The following MAP2K5 variants were observed in gnomAD, a reference collection of about 807,000 sequenced individuals.
MAP2K5 encodes the protein mitogen-activated protein kinase kinase 5.
MAP2K5 carries 49 observed loss-of-function variants against 83.1 expected under a neutral mutation model. The observed-to-expected ratio is 0.59, with a 90% CI of 0.47 to 0.75. MAP2K5 has a LOEUF of 0.75. Ranked by LOEUF, MAP2K5 falls within the 30% of genes least tolerant of loss-of-function variation. The pLI is 0.00. For missense variants in MAP2K5, 457 were observed against 557.5 expected (o/e 0.82, Z 1.82); for synonymous variants, 202 against 191.8 (o/e 1.05, Z -0.44).
chr15:67,640,712 A>G lies in MAP2K5; in HGVS notation c.586-5519A>G, dbSNP rs1357957139. The G allele has an allele frequency of 3.1e-6, 1 of 325,494 alleles. No homozygotes were observed. The highest frequency in any genetic ancestry group is 4.4e-6 in the Non-Finnish European group (1 of 226,784). 20.2% of individuals were successfully genotyped at this position (325,494 alleles called of 1,614,324 possible). On this transcript the variant is annotated intron_variant, in intron 9 of 21. Transcript: ENST00000178640. This position sits in a 1 kb window ranked among gnomAD's most constrained non-coding sequence, Gnocchi z 4.6. ...GCTTTTCCTACTCAAAATGTTTCTC[A>G]TGTTATGCTTCTAAATGTTCTTATT...
chr15:67,602,224 G>A (rs1209086932), intron 8 of MAP2K5, among the ~76,000 whole-genome samples: 1 of 152,148 alleles, frequency 6.6e-6, no homozygotes, highest in Non-Finnish European at 1.5e-5. Flanking sequence ...TTTTTCCTGT[G>A]TTCTGAAGGT....
chr15:67,772,385 C>A (rs1400690169), intron 20 of MAP2K5, among the ~76,000 whole-genome samples: 1 of 152,058 alleles, frequency 6.6e-6, no homozygotes. Flanking sequence ...GAGAATATTG[C>A]TGCTTTTTTC....
intron 17 of MAP2K5, among the ~76,000 whole-genome samples, chr15:67,741,106 A>G (rs2089482380): frequency 6.6e-6 from 1 of 151,986 alleles, no homozygotes; most frequent in Non-Finnish European, 1.5e-5. Context: ...GGTCCAAAAC[A>G]TAGTGATCTA....
chr15:67,701,651 A>G (rs760601306), intron 15 of MAP2K5, among the ~76,000 whole-genome samples: 1 of 152,182 alleles, frequency 6.6e-6, no homozygotes, highest in Non-Finnish European at 1.5e-5. Flanking sequence ...ATATTTAGTG[A>G]CTGGAGCTAA....
Position 67,549,972 on chromosome 15 carries a change from T to A in MAP2K5, c.136-62T>A, listed in dbSNP as rs528315379. The stretch of plus-strand genomic sequence containing the variant: ...CAGGTTCTCATATTTCCTGTAGGAT[T>A]TGCCACATGTTAGCAATAAAGAAGA... On this transcript the variant is annotated intron_variant, in intron 1 of 21. Transcript: ENST00000178640. 10 of 1,210,048 alleles carry A rather than the reference T, an allele frequency of 8.3e-6. No individual in the cohort carries two copies. In the African/African-American group the frequency reaches 1.5e-4, roughly 18 times the overall value. 75.0% of individuals were successfully genotyped at this position (1,210,048 alleles called of 1,614,324 possible). A position where few individuals can be genotyped will look rare whatever the true frequency, so the allele number is the denominator to read the frequency against.
rs186695267 is a variant in MAP2K5, at chr15:67,782,462, G to A, written c.1242+9710G>A. Among the ~76,000 whole-genome samples the A allele has an allele frequency of 6.6e-6, 1 of 152,304 alleles. No homozygotes were observed. The highest frequency in any genetic ancestry group is 2.4e-5 in the African/African-American group (1 of 41,566). On this transcript the variant is annotated intron_variant, in intron 21 of 21. Transcript: ENST00000178640. The surrounding 1 kb of genome is among the most constrained non-coding windows in gnomAD (Gnocchi z 4.9). ...ACTTTCAAACCCCTGTGATATACTG[G>A]AAGGCTAAATATTTCATACAGCCTG...
intron 16 of MAP2K5, among the ~76,000 whole-genome samples, chr15:67,712,685 G>A (rs143770471): frequency 0.017 from 2,617 of 152,226 alleles, 88 homozygotes; most frequent in African/African-American, 0.06. Context: ...TTAGGAGGCC[G>A]AGGCAGGCGG....
rs117844001 is a variant in MAP2K5 at position 67,657,295 on chromosome 15, G to A, written c.737-1258G>A. ...AGTTGTTACTGGTACATGTGGATGG[G>A]TTTTCACCTCCTAGTTTTGAGTCAT... On this transcript the variant is annotated intron_variant, in intron 11 of 21. Coordinates refer to ENST00000178640, the MANE Select transcript of MAP2K5 (RefSeq NM_145160.3). 7.1e-3 allele frequency among the ~76,000 whole-genome samples: 1,085 copies of A among 152,194 alleles called. 16 individuals are homozygous for A. Among genetic ancestry groups the A allele is most frequent in the Non-Finnish European group, 7.1e-3 (484 of 67,994 alleles).
intron 10 of MAP2K5, 40 bp from the exon 11 acceptor site, chr15:67,646,348 T>C (rs2086830513): frequency 1.4e-6 from 2 of 1,424,028 alleles, no homozygotes; most frequent in Non-Finnish European, 2.0e-6. Context: ...TGGTATTGAC[T>C]TGCAGGTTTA....
At chr15:67,551,021 C>T (rs1049462877) in intron 2 of MAP2K5, among the ~76,000 whole-genome samples, 1 of 152,180 alleles carries the variant, frequency 6.6e-6, no homozygotes, top group Non-Finnish European at 1.5e-5. Flanking sequence ...ATCCACCCAC[C>T]TCAGCCTCCC....
In MAP2K5 at chr15:67,772,584, G is replaced by T. The variant is rs75691645; in HGVS notation, c.1197-123G>T. On this transcript the variant is annotated intron_variant, in intron 20 of 21. Coordinates refer to ENST00000178640, the MANE Select transcript of MAP2K5 (RefSeq NM_145160.3). ...GAATATATGCTAATACTTTGGCCAA[G>T]AATTGAACATGATGTATTTTGAAAA... 4,529 of 567,442 alleles carry T rather than the reference G, an allele frequency of 8.0e-3. 179 individuals carry two copies. Among genetic ancestry groups the T allele is most frequent in the African/African-American group, 0.077 (3,990 of 51,938 alleles). 35.2% of individuals were successfully genotyped at this position (567,442 alleles called of 1,614,324 possible). A position where few individuals can be genotyped will look rare whatever the true frequency, so the allele number is the denominator to read the frequency against.
intron 8 of MAP2K5, among the ~76,000 whole-genome samples, chr15:67,616,942 T>C (rs2086068921): frequency 6.6e-6 from 1 of 152,178 alleles, no homozygotes; most frequent in African/African-American, 2.4e-5. Flanking sequence ...TTGAAGTACG[T>C]TATGTGAGAA....
chr15:67,756,080 TAGAGCTGTGG>T (rs1174004870), intron 19 of MAP2K5, among the ~76,000 whole-genome samples: 1 of 152,244 alleles, frequency 6.6e-6, no homozygotes, highest in Non-Finnish European at 1.5e-5. Context: ...GCCCTTTTCC[TAGAGCTGTGG>T]CTTGCCACAG....
At chr15:67,570,416 G>T (rs2084927544) in intron 3 of MAP2K5, among the ~76,000 whole-genome samples, 1 of 152,160 alleles carries the variant, frequency 6.6e-6, no homozygotes, top group Non-Finnish European at 1.5e-5. Flanking sequence ...CCTCGGTCAA[G>T]TCTTTTAAGG....
intron 7 of MAP2K5, among the ~76,000 whole-genome samples, chr15:67,597,007 T>TA (rs1013216539): frequency 3.3e-5 from 5 of 151,344 alleles, no homozygotes; most frequent in African/African-American, 1.2e-4. Flanking sequence ...CCATCTCTAT[T>TA]AAAAAAATAC....
chr15:67,601,451 C>T (rs777457030), intron 8 of MAP2K5, among the ~76,000 whole-genome samples: 2 of 151,962 alleles, frequency 1.3e-5, no homozygotes, highest in Non-Finnish European at 2.9e-5. Context: ...AAAAATATTC[C>T]ACTAGGAATT....
chr15:67,806,740 G>A lies in MAP2K5; in HGVS notation c.1337G>A (p.Gly446Glu), dbSNP rs2090818363. Residue 446 changes from glycine (G) to glutamate (E), a missense_variant, in exon 22 of 22, where the codon GGG becomes GAG. This residue lies in a region of MAP2K5 where 55 missense variants were observed against 50.9 expected (regional missense o/e 1.08). Transcript: ENST00000178640. The part of the protein sequence containing the change: ...RALEERRSQQ[G>E]PP ...CTGGAGGAGAGGCGGAGCCAGCAGG[G>A]GCCCCCGTGAGGCTGCCGCAGGGCA... is the stretch of plus-strand genomic sequence containing the variant. The A allele has an allele frequency of 6.4e-7, 1 of 1,554,468 alleles. No individual in the cohort carries two copies. The highest frequency in any genetic ancestry group is 8.7e-7 in the Non-Finnish European group (1 of 1,150,952).
intron 8 of MAP2K5, among the ~76,000 whole-genome samples, chr15:67,616,427 T>G (rs2086057283): frequency 6.6e-6 from 1 of 152,204 alleles, no homozygotes; most frequent in Admixed American, 6.5e-5. Context: ...GAATCAGATC[T>G]CAGAGAGCTT....
chr15:67,706,129 A>G (rs983350390), intron 16 of MAP2K5, among the ~76,000 whole-genome samples: 1 of 152,208 alleles, frequency 6.6e-6, no homozygotes. Flanking sequence ...GTAGGAGGAC[A>G]GGTGCTCAAT....
Sources: allele counts gnomAD v4.1 joint callset (sites outside exome capture counted in the v4.1 genomes callset), GRCh38; gene constraint gnomAD v4.1.1; regional missense constraint gnomAD v4.1.1; non-coding constraint Gnocchi (gnomAD v3.1); transcripts MANE v1.5; gene names NCBI Gene and HGNC (gene_info 2026-07-23, HGNC 2026-07-21).